Variants in SLC35F4 observed in about 807,000 individuals in gnomAD.
SLC35F4 encodes the protein chromosome 14 open reading frame 36.
A neutral mutation model predicts 44.2 loss-of-function variants in SLC35F4; 24 were observed. That is an observed-to-expected ratio of 0.54 (90% CI 0.39 to 0.76). The LOEUF is 0.76. SLC35F4 is among the 30% of genes least tolerant of loss of function. The probability of loss-of-function intolerance (pLI) is 0.00; values close to 1 mark genes in which losing one functional copy is unlikely to be tolerated. For missense variants in SLC35F4, 562 were observed against 586.1 expected, an observed-to-expected ratio of 0.96 and a Z score of 0.42; for synonymous variants, 238 against 223.6, an observed-to-expected ratio of 1.06 and a Z score of -0.57.
At chr14:57,812,049 T>C (rs772948486) in intron 1 of SLC35F4, among the ~76,000 whole-genome samples, 1 of 152,210 alleles carries the variant, frequency 6.6e-6, no homozygotes, top group Non-Finnish European at 1.5e-5. Flanking sequence ...GAAATTCATT[T>C]TTTAGAAGAA....
rs766679033 is a variant in SLC35F4 at position 57,581,288 on chromosome 14, G to C, written c.733C>G (p.Leu245Val). Residue 245 changes from leucine (L) to valine (V), a missense_variant, in exon 4 of 8, where the codon CTG (leucine) becomes GTG (valine). By Grantham distance (32) the Leu-to-Val change is conservative (BLOSUM62 1). Transcript: ENST00000556826. ...ACAAAGGCTTTGTTACAACAGAACA[G>C]AGCGGAGACATCCGTGGCCGTCAGC... Reference protein sequence around the residue: ...KKLTATDVSALFCCNKAFVFL... With the variant: ...KKLTATDVSAVFCCNKAFVFL... The C allele has an allele frequency of 6.2e-7, 1 of 1,613,702 alleles. No homozygotes were observed. Among genetic ancestry groups the C allele is most frequent in the Non-Finnish European group, 8.5e-7 (1 of 1,179,800 alleles).
At chr14:57,757,627 C>T (rs2077024772) in intron 1 of SLC35F4, among the ~76,000 whole-genome samples, 1 of 152,108 alleles carries the variant, frequency 6.6e-6, no homozygotes, top group African/African-American at 2.4e-5. Context: ...ATGTCACTTA[C>T]ATGTATACTA....
intron 1 of SLC35F4, among the ~76,000 whole-genome samples, chr14:57,604,873 A>G (rs2071055285): frequency 1.3e-5 from 2 of 152,246 alleles, no homozygotes; most frequent in African/African-American, 2.4e-5. Flanking sequence ...TCCCTATTCA[A>G]TAAATGGTGC....
Position 57,566,687 on chromosome 14 carries a change from C to T in SLC35F4, c.1127-123G>A, listed in dbSNP as rs953818906. 39 of 948,108 alleles carry T rather than the reference C, an allele frequency of 4.1e-5. No homozygotes were observed. In the African/African-American group the frequency reaches 6.2e-4, roughly 15 times the overall value. The allele number at this position is 948,108 out of a possible 1,614,324, so 58.7% of individuals were successfully genotyped here. A position where few individuals can be genotyped will look rare whatever the true frequency, so the allele number is the denominator to read the frequency against. ...CTTTTAAACTGTCTATACCTTTGAT[C>T]CTCTAATTTTGGAGATGGATGCATG... On this transcript the variant is annotated intron_variant, in intron 6 of 7. Transcript: ENST00000556826.
chr14:57,858,215 A>T (rs1170678741), intron 1 of SLC35F4, among the ~76,000 whole-genome samples: 1 of 152,048 alleles, frequency 6.6e-6, no homozygotes, highest in African/African-American at 2.4e-5. Flanking sequence ...ATGCTGCTAT[A>T]AAGACACATG....
chr14:57,593,061 T>C (rs927659207), intron 2 of SLC35F4, among the ~76,000 whole-genome samples: 3 of 152,156 alleles, frequency 2.0e-5, no homozygotes, highest in African/African-American at 7.2e-5. Flanking sequence ...AAGACAATCA[T>C]ACCACAAGTC....
At position 57,745,760 on chromosome 14, in the gene SLC35F4, T is replaced by C. The variant is rs562205399; in HGVS notation, c.103+119963A>G. On this transcript the variant is annotated intron_variant, in intron 1 of 7. Transcript: ENST00000556826. ...TATATACCCAAAGGATTATAAATCA[T>C]GCTACTATAAAGACACACGCACCCA... is the stretch of plus-strand genomic sequence containing the variant. Among the ~76,000 whole-genome samples the C allele has an allele frequency of 1.5e-4, 23 of 152,318 alleles. 1 individual carries two copies. The highest frequency in any genetic ancestry group is 2.6e-4 in the Non-Finnish European group (18 of 68,030).
At chr14:57,793,214 C>G (rs1174338400) in intron 1 of SLC35F4, among the ~76,000 whole-genome samples, 1 of 151,986 alleles carries the variant, frequency 6.6e-6, no homozygotes, top group African/African-American at 2.4e-5. Context: ...ATAACACCTG[C>G]TCCACCTTTT....
intron 1 of SLC35F4, among the ~76,000 whole-genome samples, chr14:57,917,411 T>C (rs940861576): frequency 2.6e-5 from 4 of 152,148 alleles, no homozygotes; most frequent in African/African-American, 7.2e-5. Flanking sequence ...ACCTTTTCAA[T>C]AAACCTTTTA....
At chr14:57,953,579 A>G (rs7140618) in intron 1 of SLC35F4, among the ~76,000 whole-genome samples, 76,136 of 152,044 alleles carry the variant, frequency 0.5, 20,220 homozygotes, top group East Asian at 0.79. Context: ...AAGGGATGGA[A>G]GAATATTTAT....
chr14:57,726,491 AAT>A (rs1340390294), intron 1 of SLC35F4, among the ~76,000 whole-genome samples: 1 of 152,174 alleles, frequency 6.6e-6, no homozygotes, highest in East Asian at 1.9e-4. Context: ...CACTTGTACT[AAT>A]ATATTTTATT....
chr14:57,893,374 T>C (rs190997565), intron 1 of SLC35F4, among the ~76,000 whole-genome samples: 2 of 152,316 alleles, frequency 1.3e-5, no homozygotes, highest in East Asian at 3.9e-4. Context: ...CAATTGTTCT[T>C]TGAGGTATAT....
chr14:57,702,112 G>A (rs1043835698), intron 1 of SLC35F4, among the ~76,000 whole-genome samples: 1 of 152,124 alleles, frequency 6.6e-6, no homozygotes, highest in Non-Finnish European at 1.5e-5. Context: ...CTTCTGCAAA[G>A]GCATTTGACC....
chr14:57,624,978 T>A (rs1355653293), intron 1 of SLC35F4, among the ~76,000 whole-genome samples: 1 of 152,090 alleles, frequency 6.6e-6, no homozygotes, highest in African/African-American at 2.4e-5. Flanking sequence ...GAGAAAGAAA[T>A]AAATGGTATT....
At chr14:57,909,226 C>T (rs1047083277) in intron 1 of SLC35F4, among the ~76,000 whole-genome samples, 1 of 152,138 alleles carries the variant, frequency 6.6e-6, no homozygotes, top group South Asian at 2.1e-4. Flanking sequence ...CCCCCACTAT[C>T]AGCACCCCAC....
chr14:57,577,041 C>T lies in SLC35F4; in HGVS notation c.807+4173G>A, dbSNP rs562367594. On this transcript the variant is annotated intron_variant, in intron 4 of 7. Transcript: ENST00000556826. ...GACTCCCACTGTCCATCCTCCACTG[C>T]CTCTTCCAGGAAGCATGGAAGCTCT... Among the ~76,000 whole-genome samples, 6 of 152,266 alleles carry T rather than the reference C, an allele frequency of 3.9e-5. No homozygotes were observed. The South Asian group carries it at 6.2e-4, about 16-fold the overall frequency.
upstream of SLC35F4, among the ~76,000 whole-genome samples, chr14:57,867,351 A>G (rs946360253): frequency 1.3e-5 from 2 of 152,202 alleles, no homozygotes; most frequent in African/African-American, 4.8e-5. Context: ...ATTTTACAAT[A>G]TGTTTTGGGT....
chr14:57,680,325 C>G (rs892168364), intron 1 of SLC35F4, among the ~76,000 whole-genome samples: 3 of 152,040 alleles, frequency 2.0e-5, no homozygotes, highest in South Asian at 4.1e-4. Flanking sequence ...ATTCAACAGC[C>G]CTTCATGCTA....
At chr14:57,831,389 G>T (rs1884356765) in intron 1 of SLC35F4, among the ~76,000 whole-genome samples, 1 of 151,806 alleles carries the variant, frequency 6.6e-6, no homozygotes, top group Admixed American at 6.6e-5. Flanking sequence ...CAGAATCTTT[G>T]GTATTTTGTG....
Sources: allele counts gnomAD v4.1 joint callset (sites outside exome capture counted in the v4.1 genomes callset), GRCh38; gene constraint gnomAD v4.1.1; transcripts MANE v1.5; gene names NCBI Gene and HGNC (gene_info 2026-07-23, HGNC 2026-07-21).